The following RB1 variants were observed in gnomAD, a reference collection of about 807,000 sequenced individuals.
RB1 encodes the protein RB transcriptional corepressor 1, also known as retinoblastoma-associated protein.
A neutral mutation model predicts 135.4 loss-of-function variants in RB1; 18 were observed. The ratio of observed to expected loss-of-function variants is 0.13; its 90% CI spans 0.09 to 0.20. The LOEUF (loss-of-function observed/expected upper bound fraction) is 0.20. RB1 is among the 10% of genes least tolerant of loss of function. The probability of loss-of-function intolerance (pLI) is 1.00; values close to 1 mark genes in which losing one functional copy is unlikely to be tolerated. For synonymous variants in RB1, 365 were observed against 373.2 expected (o/e 0.98, Z 0.25); for missense variants, 868 against 1,110.0 (o/e 0.78, Z 3.10).
chr13:48,363,552 G>C (rs1187629115), intron 8 of RB1, among the ~76,000 whole-genome samples: 1 of 152,090 alleles, frequency 6.6e-6, no homozygotes, highest in Non-Finnish European at 1.5e-5. Flanking sequence ...GTGAGACTAT[G>C]TCTCCAAAAA....
At chr13:48,412,879 T>C (rs565465257) in intron 17 of RB1, 21 of 183,026 alleles carry the variant, frequency 1.1e-4, no homozygotes, top group Non-Finnish European at 2.6e-4. Context: ...TTATCAATCT[T>C]ATTTTCTTTT....
Position 48,465,059 on chromosome 13 carries a change from C to T in RB1, c.2273C>T (p.Ser758Leu), listed in dbSNP as rs754814477. Reference sequence around the variant, plus strand: ...GATTCTATTATAGTATTCTATAACTCGGTCTTCATGCAGAGACTGAAAACA... The same window carrying T: ...GATTCTATTATAGTATTCTATAACTTGGTCTTCATGCAGAGACTGAAAACA... ...EYDSIIVFYNSVFMQRLKTNI... is the reference protein window; with the variant it reads ...EYDSIIVFYNLVFMQRLKTNI... The change falls in exon 22 of 27, where the codon TCG becomes TTG. Residue 758 changes from serine to leucine, a missense_variant. By Grantham distance (145) the Ser-to-Leu change is moderately radical. This residue lies in a region of RB1 where 196 missense variants were observed against 239.8 expected (regional missense o/e 0.82). Coordinates refer to ENST00000267163, the MANE Select transcript of RB1 (RefSeq NM_000321.3). 2.3e-5 allele frequency: 36 copies of T among 1,598,380 alleles called. No individual in the cohort carries two copies. Among genetic ancestry groups the T allele is most frequent in the Admixed American group, 5.2e-5 (3 of 58,122 alleles).
Position 48,453,068 on chromosome 13 carries a change from C to G in RB1, c.1771C>G (p.Pro591Ala), listed in dbSNP as rs1322074724. 6.2e-7 allele frequency: 1 copy of G among 1,613,136 alleles called. No individual in the cohort carries two copies. Among genetic ancestry groups the G allele is most frequent in the Admixed American group, 1.7e-5 (1 of 59,990 alleles). The change falls in exon 18 of 27, where the codon CCT becomes GCT. Residue 591 changes from proline (P) to alanine (A), a missense_variant. By Grantham distance (27) the Pro-to-Ala change is conservative. Transcript: ENST00000267163. ...GPTDHLESAC[P>A]LNLPLQNNHT... ...AACTGATCACCTTGAATCTGCTTGT[C>G]CTCTTAATCTTCCTCTCCAGAATAA... is the stretch of plus-strand genomic sequence containing the variant.
At chr13:48,435,824 C>G (rs2138291296) in intron 17 of RB1, among the ~76,000 whole-genome samples, 1 of 152,112 alleles carries the variant, frequency 6.6e-6, no homozygotes, top group African/African-American at 2.4e-5. Flanking sequence ...TATCCTTTTT[C>G]TATTGATTTG....
At chr13:48,331,218 G>C (rs188317493) in intron 2 of RB1, among the ~76,000 whole-genome samples, 1 of 152,246 alleles carries the variant, frequency 6.6e-6, no homozygotes, top group East Asian at 1.9e-4. Context: ...TTAAGATCAG[G>C]ATCAAGACAA....
intron 17 of RB1, among the ~76,000 whole-genome samples, chr13:48,387,432 G>A (rs1948578911): frequency 6.6e-6 from 1 of 152,102 alleles, no homozygotes; most frequent in South Asian, 2.1e-4. Flanking sequence ...GTTGAAAGAA[G>A]CCAGTCACAG....
chr13:48,321,071 A>T (rs1952233245), intron 2 of RB1, among the ~76,000 whole-genome samples: 1 of 151,992 alleles, frequency 6.6e-6, no homozygotes, highest in African/African-American at 2.4e-5. Flanking sequence ...ACTCCGACGC[A>T]TCCTCTCTCT....
intron 16 of RB1, 123 bp from the exon 17 acceptor site, chr13:48,381,124 C>A: frequency 7.6e-7 from 1 of 1,324,166 alleles, no homozygotes; most frequent in African/African-American, 1.5e-5. Context: ...ATAAAAAATT[C>A]TGCTCTAAAT....
Position 48,348,351 on chromosome 13 carries a change from T to C in RB1, c.539+488T>C, listed in dbSNP as rs4151475. Among the ~76,000 whole-genome samples, 845 of 152,008 alleles carry C rather than the reference T, an allele frequency of 5.6e-3. 5 individuals carry two copies. Among genetic ancestry groups the C allele is most frequent in the Middle Eastern group, 0.01 (3 of 294 alleles). On this transcript the variant is annotated intron_variant, in intron 5 of 26. Transcript: ENST00000267163. ...GTAGTACATGAGATTTTCTGCCTCA[T>C]TGGAGTAGTATTGAAGATAATTAAT...
In RB1 at chr13:48,471,674, A is replaced by G. The variant is rs371792123; in HGVS notation, c.2490-1686A>G. On this transcript the variant is annotated intron_variant, in intron 23 of 26. Coordinates refer to ENST00000267163, the MANE Select transcript of RB1 (RefSeq NM_000321.3). Reference sequence around the variant, plus strand: ...ATCTTCTTTTGAGAACAATTTGAGAACCAGTTTGGTTATATGTTTCAAAAC... The same window carrying G: ...ATCTTCTTTTGAGAACAATTTGAGAGCCAGTTTGGTTATATGTTTCAAAAC... Among the ~76,000 whole-genome samples, 91 of 151,862 alleles carry G rather than the reference A, an allele frequency of 6.0e-4. 1 individual carries two copies. In the South Asian group the frequency reaches 0.012, roughly 20 times the overall value.
intron 2 of RB1, among the ~76,000 whole-genome samples, chr13:48,321,070 C>T (rs1483228491): frequency 1.3e-5 from 2 of 152,102 alleles, no homozygotes; most frequent in Non-Finnish European, 2.9e-5. Flanking sequence ...CACTCCGACG[C>T]ATCCTCTCTC....
chr13:48,447,666 A>T (rs1208738145), intron 17 of RB1, among the ~76,000 whole-genome samples: 1 of 152,162 alleles, frequency 6.6e-6, no homozygotes, highest in Non-Finnish European at 1.5e-5. Flanking sequence ...ATTGAGGGTC[A>T]TGTAGCTACA....
rs577002007 is a variant in RB1, at chr13:48,315,316, T to G, written c.264+7910T>G. On this transcript the variant is annotated intron_variant, in intron 2 of 26. Transcript: ENST00000267163. The stretch of plus-strand genomic sequence containing the variant: ...TGTGGCTATTGTGAGTGGGTTGCAT[T>G]CTTGATTTGGCTCTCAGCTTGGGTA... 3.3e-5 allele frequency among the ~76,000 whole-genome samples: 5 copies of G among 152,368 alleles called. No individual in the cohort carries two copies. The South Asian group carries it at 1.0e-3, about 32-fold the overall frequency.
intron 17 of RB1, among the ~76,000 whole-genome samples, chr13:48,443,380 T>G (rs959955941): frequency 6.6e-6 from 1 of 152,014 alleles, no homozygotes; most frequent in African/African-American, 2.4e-5. Flanking sequence ...TAAAAAGAAG[T>G]TTAAAAGAGT....
At chr13:48,476,958 G>T in intron 25 of RB1, 115 bp downstream of exon 25, 1 of 1,378,448 alleles carries the variant, frequency 7.3e-7, no homozygotes, top group Non-Finnish European at 1.0e-6. Flanking sequence ...TTATTTGGAA[G>T]TTGTGAGAAT....
At chr13:48,395,070 C>T (rs1166868958) in intron 17 of RB1, among the ~76,000 whole-genome samples, 1 of 119,192 alleles carries the variant, frequency 8.4e-6, no homozygotes, top group Non-Finnish European at 1.8e-5. Flanking sequence ...AATCTTTGCT[C>T]TTCTGCAACC....
chr13:48,366,661 A>G (rs546776952), intron 9 of RB1, among the ~76,000 whole-genome samples: 1 of 152,326 alleles, frequency 6.6e-6, no homozygotes, highest in South Asian at 2.1e-4. Flanking sequence ...TAAATTGTGC[A>G]AGTGTGTTAA....
In RB1 at chr13:48,303,846, CGT is replaced by C; in HGVS notation, c.-65_-64del. Reference sequence around the variant, plus strand: ...CGGGAGAGGACGGGGCGTGCCCCGACGTGCGCGCGCGTCGTCCTCCCCGGCGC... The same window carrying C: ...CGGGAGAGGACGGGGCGTGCCCCGACGCGCGCGCGTCGTCCTCCCCGGCGC... On this transcript the variant is annotated 5_prime_UTR_variant, in exon 1 of 27. Transcript: ENST00000267163. The C allele has an allele frequency of 6.0e-6, 9 of 1,494,718 alleles. No individual in the cohort carries two copies. Among genetic ancestry groups the C allele is most frequent in the Non-Finnish European group, 8.0e-6 (9 of 1,129,290 alleles). 92.6% of individuals were successfully genotyped at this position (1,494,718 alleles called of 1,614,324 possible). A position where few individuals can be genotyped will look rare whatever the true frequency, so the allele number is the denominator to read the frequency against.
chr13:48,476,972 T>A, intron 25 of RB1, 129 bp downstream of exon 25: 1 of 1,221,586 alleles, frequency 8.2e-7, no homozygotes, highest in Non-Finnish European at 1.2e-6. Context: ...TGAGAATGGC[T>A]CAAAATAATA....
Sources: allele counts gnomAD v4.1 joint callset (sites outside exome capture counted in the v4.1 genomes callset), GRCh38; gene constraint gnomAD v4.1.1; regional missense constraint gnomAD v4.1.1; transcripts MANE v1.5; gene names NCBI Gene and HGNC (gene_info 2026-07-23, HGNC 2026-07-21).